NEK11: variants seen among roughly 807,000 people sequenced by gnomAD.
NEK11 encodes the protein NIMA related kinase 11, also known as serine/threonine-protein kinase Nek11.
A neutral mutation model predicts 80.7 loss-of-function variants in NEK11; 72 were observed. The ratio of observed to expected loss-of-function variants is 0.89; its 90% CI spans 0.74 to 1.08. NEK11 has a LOEUF of 1.08. Among genes scored for constraint, NEK11 ranks in the 50% least tolerant of loss-of-function variants. NEK11 has a pLI of 0.00. For synonymous variants in NEK11, 251 were observed against 260.7 expected (o/e 0.96, Z 0.36); for missense variants, 764 against 763.6 (o/e 1.00, Z -0.01).
Position 131,119,090 on chromosome 3 carries a change from T to TTC in NEK11, c.455+9174_455+9175dup, listed in dbSNP as rs571121154. On this transcript the variant is annotated intron_variant, in intron 5 of 17. Coordinates refer to ENST00000383366, the MANE Select transcript of NEK11 (RefSeq NM_024800.5). Reference sequence around the variant, plus strand: ...GTGTCAATTTTAGATCTTTCCTGCTTTCTCTCATGGGCATTTAGTGCTATG... The same window carrying TTC: ...GTGTCAATTTTAGATCTTTCCTGCTTTCTCTCTCATGGGCATTTAGTGCTATG... Among the ~76,000 whole-genome samples, 655 of 152,340 alleles carry TTC rather than the reference T, an allele frequency of 4.3e-3. 4 individuals carry two copies. Among genetic ancestry groups the TTC allele is most frequent in the Middle Eastern group, 0.014 (4 of 294 alleles).
At chr3:131,069,833 G>T (rs556103110) in intron 3 of NEK11, among the ~76,000 whole-genome samples, 1 of 149,988 alleles carries the variant, frequency 6.7e-6, no homozygotes, top group Non-Finnish European at 1.5e-5. Flanking sequence ...GTGGTGGGGT[G>T]GGGGGATGGG....
At chr3:131,062,103 A>C (rs1479916199) in intron 3 of NEK11, among the ~76,000 whole-genome samples, 1 of 152,240 alleles carries the variant, frequency 6.6e-6, no homozygotes, top group Non-Finnish European at 1.5e-5. Flanking sequence ...AGGAGCTTAC[A>C]TTTTAGGGGA....
chr3:131,306,581 A>G (rs1418934894), intron 17 of NEK11, among the ~76,000 whole-genome samples: 2 of 152,130 alleles, frequency 1.3e-5, no homozygotes, highest in Non-Finnish European at 2.9e-5. Context: ...CTGGAGTTGG[A>G]CATTTTCTTT....
At chr3:131,087,721 A>G (rs2076192660) in intron 4 of NEK11, among the ~76,000 whole-genome samples, 2 of 152,302 alleles carry the variant, frequency 1.3e-5, no homozygotes, top group Admixed American at 6.5e-5. Context: ...AGTGCGTGTC[A>G]ATAGACTATT....
intron 3 of NEK11, among the ~76,000 whole-genome samples, chr3:131,071,813 G>C (rs941114568): frequency 7.9e-5 from 12 of 152,006 alleles, no homozygotes; most frequent in African/African-American, 2.9e-4. Context: ...AAATAGAAAA[G>C]AGCCAAGTTA....
At chr3:131,189,949 C>T (rs1340981531) in intron 14 of NEK11, among the ~76,000 whole-genome samples, 1 of 152,122 alleles carries the variant, frequency 6.6e-6, no homozygotes, top group African/African-American at 2.4e-5. Flanking sequence ...ATTTCACAAC[C>T]AGTCCAAACA....
intron 17 of NEK11, among the ~76,000 whole-genome samples, chr3:131,336,663 C>T (rs2097189943): frequency 6.6e-6 from 1 of 152,160 alleles, no homozygotes; most frequent in Non-Finnish European, 1.5e-5. Context: ...AAAGAAACTA[C>T]TATCAGAGTG....
chr3:131,211,393 C>A (rs1205397278), intron 14 of NEK11, among the ~76,000 whole-genome samples: 3 of 152,082 alleles, frequency 2.0e-5, no homozygotes, highest in African/African-American at 7.2e-5. Flanking sequence ...CTCTGGCTGC[C>A]CTTAACATTT....
rs533346792 is a variant in NEK11 at position 131,060,325 on chromosome 3, G to A, written c.171-20098G>A. Among the ~76,000 whole-genome samples the A allele has an allele frequency of 8.2e-4, 125 of 152,334 alleles. 5 individuals are homozygous for A. The South Asian group carries it at 0.025, about 31-fold the overall frequency. ...ATAAAGGTATTGGAGGCCATTTTTAGTGAGAGAAAATATGCTTGGTCTTGC... is the reference window on the plus strand; with the variant it reads ...ATAAAGGTATTGGAGGCCATTTTTAATGAGAGAAAATATGCTTGGTCTTGC... On this transcript the variant is annotated intron_variant, in intron 3 of 17. Coordinates refer to ENST00000383366, the MANE Select transcript of NEK11 (RefSeq NM_024800.5).
At chr3:131,295,003 G>A (rs1404955390) in intron 17 of NEK11, among the ~76,000 whole-genome samples, 2 of 151,772 alleles carry the variant, frequency 1.3e-5, no homozygotes, top group African/African-American at 4.8e-5. Flanking sequence ...CATGTAGTTG[G>A]ATCTTGTTTT....
At chr3:131,174,324 A>G (rs1311749715) in intron 14 of NEK11, among the ~76,000 whole-genome samples, 1 of 152,230 alleles carries the variant, frequency 6.6e-6, no homozygotes, top group Non-Finnish European at 1.5e-5. Flanking sequence ...TGAACTCTGA[A>G]GTGGTTAATT....
chr3:131,300,201 T>A (rs1430861118), intron 17 of NEK11, among the ~76,000 whole-genome samples: 1 of 152,194 alleles, frequency 6.6e-6, no homozygotes, highest in East Asian at 1.9e-4. Flanking sequence ...TCTGTTCATA[T>A]CCTTTGTACA....
At chr3:131,061,219 C>A (rs2070796886) in intron 3 of NEK11, among the ~76,000 whole-genome samples, 2 of 152,158 alleles carry the variant, frequency 1.3e-5, no homozygotes, top group Admixed American at 1.3e-4. Context: ...TGAAGAGCTT[C>A]AGTATATTCA....
At chr3:131,137,516 G>A (rs1378338327) in intron 7 of NEK11, among the ~76,000 whole-genome samples, 1 of 152,144 alleles carries the variant, frequency 6.6e-6, no homozygotes. Context: ...GGCCTGGGAA[G>A]TTCTTATGTG....
chr3:131,149,742 A>G (rs528526264), intron 7 of NEK11, among the ~76,000 whole-genome samples: 3 of 151,866 alleles, frequency 2.0e-5, no homozygotes, highest in Non-Finnish European at 2.9e-5. Flanking sequence ...GTTATCGTTA[A>G]TCTGTGTTTT....
intron 14 of NEK11, among the ~76,000 whole-genome samples, chr3:131,183,639 T>C (rs1203672054): frequency 1.3e-5 from 2 of 152,266 alleles, no homozygotes; most frequent in African/African-American, 2.4e-5. Flanking sequence ...GGCTGCATAG[T>C]ATTCCATGGT....
At chr3:131,075,714 G>C (rs952079735) in intron 3 of NEK11, among the ~76,000 whole-genome samples, 2 of 152,188 alleles carry the variant, frequency 1.3e-5, no homozygotes, top group Non-Finnish European at 2.9e-5. Context: ...ACCTTTGGAG[G>C]TTTGGCTTTC....
intron 14 of NEK11, among the ~76,000 whole-genome samples, chr3:131,203,980 G>A (rs966154559): frequency 2.0e-5 from 3 of 151,460 alleles, no homozygotes; most frequent in Admixed American, 6.6e-5. Context: ...TTCTAGAGAG[G>A]GTCCTGTTTC....
intron 9 of NEK11, among the ~76,000 whole-genome samples, chr3:131,153,619 T>G (rs1237860027): frequency 6.6e-6 from 1 of 152,058 alleles, no homozygotes; most frequent in African/African-American, 2.4e-5. Context: ...CTTTAAAAAC[T>G]GTGGGTACCT....
Sources: gnomAD v4.1 joint callset for allele counts (sites outside exome capture counted in the v4.1 genomes callset) on GRCh38, gnomAD v4.1.1 for gene constraint, MANE v1.5 for transcripts, NCBI Gene and HGNC (gene_info 2026-07-23, HGNC 2026-07-21) for gene names.